Variants in DNAJC8 observed in about 807,000 individuals in gnomAD.
DNAJC8 encodes dnaJ homolog subfamily C member 8.
Under a neutral mutation model 43.2 loss-of-function variants are expected in DNAJC8, and 24 were observed. The observed-to-expected ratio is 0.56, with a 90% confidence interval of 0.40 to 0.78. The LOEUF is 0.78. Among genes scored for constraint, DNAJC8 ranks in the 30% least tolerant of loss-of-function variants. DNAJC8 has a pLI of 0.00. For missense variants in DNAJC8, 207 were observed against 299.4 expected (o/e 0.69, Z 2.28); for synonymous variants, 83 against 98.0 (o/e 0.85, Z 0.90).
At chr1:28,201,506 T>A in intron 8 of DNAJC8, 136 bp from the exon 9 acceptor site, 6 of 1,377,156 alleles carry the variant, frequency 4.4e-6, no homozygotes, top group Non-Finnish European at 5.9e-6. Flanking sequence ...AGAATAGAGC[T>A]GGCCAGGCAC....
intron 2 of DNAJC8, among the ~76,000 whole-genome samples, chr1:28,219,878 T>C (rs1013800919): frequency 3.3e-5 from 5 of 152,170 alleles, no homozygotes; most frequent in African/African-American, 4.8e-5. Context: ...GGTTTCACCA[T>C]GTTGGCCAGG....
chr1:28,224,897 A>C (rs1168581304), intron 2 of DNAJC8, among the ~76,000 whole-genome samples: 3 of 151,330 alleles, frequency 2.0e-5, no homozygotes, highest in East Asian at 1.9e-4. Context: ...ACAAACAAAC[A>C]AACCAAAGAG....
intron 2 of DNAJC8, among the ~76,000 whole-genome samples, chr1:28,222,485 CAA>C (rs35878807): frequency 9.0e-5 from 4 of 44,686 alleles, no homozygotes; most frequent in African/African-American, 8.4e-5. Context: ...GACTCCATCT[CAA>C]AAAAAAAAAA....
Position 28,208,354 on chromosome 1 carries a change from A to T in DNAJC8, c.459T>A (p.Asp153Glu), listed in dbSNP as rs1646785167. ...KEGKPTIVEE[D>E]DPELFKQAVY... is the part of the protein sequence containing the mutation. ...ATATTTAACTCACCAGCTCAGGATC[A>T]TCCTCCTCTACAATTGTAGGTTTTC... The change falls in exon 6 of 9, where the codon GAT (aspartate) becomes GAA (glutamate). Residue 153 changes from aspartate (D) to glutamate (E), a missense_variant. By Grantham distance (45) the Asp-to-Glu change is conservative. Around this residue, in one of 2 missense-constraint regions of DNAJC8, gnomAD observed 159 missense variants for 267.5 expected, o/e 0.59. Coordinates refer to ENST00000263697, the MANE Select transcript of DNAJC8 (RefSeq NM_014280.3). 1 of 1,613,596 alleles carries T rather than the reference A, an allele frequency of 6.2e-7. No homozygotes were observed. The highest frequency in any genetic ancestry group is 8.5e-7 in the Non-Finnish European group (1 of 1,179,740).
At chr1:28,230,816 C>T (rs576680965) in intron 1 of DNAJC8, among the ~76,000 whole-genome samples, 1 of 152,222 alleles carries the variant, frequency 6.6e-6, no homozygotes, top group Non-Finnish European at 1.5e-5. Flanking sequence ...GTGTCTAGAC[C>T]TAAATGTAAT....
At chr1:28,210,907 C>T (rs1398303553) in intron 3 of DNAJC8, among the ~76,000 whole-genome samples, 2 of 152,160 alleles carry the variant, frequency 1.3e-5, no homozygotes, top group East Asian at 1.9e-4. Flanking sequence ...CAGAGGCTCA[C>T]GCCTGTCATC....
intron 2 of DNAJC8, among the ~76,000 whole-genome samples, chr1:28,223,650 G>A (rs1646913930): frequency 1.3e-5 from 2 of 149,618 alleles, no homozygotes; most frequent in Non-Finnish European, 3.0e-5. Context: ...GAGGCCAAGG[G>A]AGGATCATTT....
intron 2 of DNAJC8, among the ~76,000 whole-genome samples, chr1:28,221,576 C>T (rs1446077472): frequency 6.6e-6 from 1 of 152,142 alleles, no homozygotes; most frequent in African/African-American, 2.4e-5. Context: ...CAATCTGTCC[C>T]TTCTCATCCA....
chr1:28,215,049 T>C, intron 2 of DNAJC8, 53 bp from the exon 3 acceptor site: 1 of 1,439,650 alleles, frequency 6.9e-7, no homozygotes, highest in Non-Finnish European at 9.6e-7. Flanking sequence ...ATTACATGTA[T>C]ATTTAAGAGT....
chr1:28,215,644 T>C (rs1289572977), intron 2 of DNAJC8, among the ~76,000 whole-genome samples: 1 of 151,510 alleles, frequency 6.6e-6, no homozygotes, highest in Non-Finnish European at 1.5e-5. Flanking sequence ...TTCAAGCGAT[T>C]TTCCTGCCTA....
At chr1:28,223,224 G>A (rs1359073913) in intron 2 of DNAJC8, among the ~76,000 whole-genome samples, 3 of 152,194 alleles carry the variant, frequency 2.0e-5, no homozygotes, top group Non-Finnish European at 2.9e-5. Flanking sequence ...CCCCGAGTAA[G>A]AGGAGAAAGG....
intron 1 of DNAJC8, chr1:28,230,013 T>C (rs1646963062): frequency 6.6e-6 from 1 of 152,078 alleles, no homozygotes; most frequent in Non-Finnish European, 1.5e-5. Flanking sequence ...TTTGGGAGGC[T>C]GAGGTGGGTG....
chr1:28,217,728 C>A (rs1646868863), intron 2 of DNAJC8, among the ~76,000 whole-genome samples: 1 of 152,064 alleles, frequency 6.6e-6, no homozygotes, highest in South Asian at 2.1e-4. Context: ...TGAGAAAGAA[C>A]AGAAATTGTC....
In DNAJC8 at chr1:28,211,870, T is replaced by C. The variant is rs1646812511; in HGVS notation, c.238-1233A>G. ...AATATATAGTTAAATATATAGTCAGTGTCTGCCAGGAGCAGTGGCTCCCGC... is the reference window on the plus strand; with the variant it reads ...AATATATAGTTAAATATATAGTCAGCGTCTGCCAGGAGCAGTGGCTCCCGC... On this transcript the variant is annotated intron_variant, in intron 3 of 8. Coordinates refer to ENST00000263697, the MANE Select transcript of DNAJC8 (RefSeq NM_014280.3). 2.0e-5 allele frequency among the ~76,000 whole-genome samples: 3 copies of C among 151,958 alleles called. No homozygotes were observed. The South Asian group carries it at 6.2e-4, about 32-fold the overall frequency.
At position 28,226,337 on chromosome 1, in the gene DNAJC8, T is replaced by C. The variant is rs1456363481; in HGVS notation, c.180+2585A>G. Among the ~76,000 whole-genome samples the C allele has an allele frequency of 1.1e-4, 17 of 150,886 alleles. 1 individual carries two copies. On this transcript the variant is annotated intron_variant, in intron 2 of 8. Coordinates refer to ENST00000263697, the MANE Select transcript of DNAJC8 (RefSeq NM_014280.3). ...TGGCCAATATGGTGAAACCCATCTC[T>C]ACAAAAAATACAAAAATTAGCCAGG...
At chr1:28,228,251 A>G (rs995082446) in intron 2 of DNAJC8, among the ~76,000 whole-genome samples, 3 of 147,730 alleles carry the variant, frequency 2.0e-5, no homozygotes, top group Non-Finnish European at 4.5e-5. Flanking sequence ...CGGGAGGCTG[A>G]GGCAGGAGAA....
At chr1:28,225,474 C>T (rs370126513) in intron 2 of DNAJC8, among the ~76,000 whole-genome samples, 3 of 151,176 alleles carry the variant, frequency 2.0e-5, no homozygotes, top group Admixed American at 6.6e-5. Flanking sequence ...GTAACAAATA[C>T]GGTACCATTC....
intron 3 of DNAJC8, among the ~76,000 whole-genome samples, chr1:28,212,114 A>G (rs1646814298): frequency 6.9e-6 from 1 of 144,630 alleles, no homozygotes; most frequent in Non-Finnish European, 1.5e-5. Context: ...CAAGATCGCA[A>G]CACTGTACTG....
intron 3 of DNAJC8, among the ~76,000 whole-genome samples, chr1:28,211,878 A>T (rs955061698): frequency 1.3e-5 from 2 of 152,018 alleles, no homozygotes; most frequent in Non-Finnish European, 2.9e-5. Flanking sequence ...AGTGTCTGCC[A>T]GGAGCAGTGG....
Sources: allele counts gnomAD v4.1 joint callset (sites outside exome capture counted in the v4.1 genomes callset), GRCh38; gene constraint gnomAD v4.1.1; regional missense constraint gnomAD v4.1.1; transcripts MANE v1.5; gene names NCBI Gene and HGNC (gene_info 2026-07-23, HGNC 2026-07-21).